Variants in KIDINS220 observed in about 807,000 individuals in gnomAD.
The protein encoded by KIDINS220 is kinase D interacting substrate 220, also known as kinase D-interacting substrate of 220 kDa.
A neutral mutation model predicts 157.6 loss-of-function variants in KIDINS220; 63 were observed. The observed-to-expected ratio is 0.40, with a 90% CI of 0.33 to 0.49. The LOEUF (loss-of-function observed/expected upper bound fraction) is 0.49, where lower values mean the gene tolerates loss of function less well. Ranked by LOEUF, KIDINS220 falls within the 20% of genes least tolerant of loss-of-function variation. The pLI is 0.66. For synonymous variants in KIDINS220, 732 were observed against 783.6 expected (o/e 0.93, Z 1.10); for missense variants, 1,772 against 2,171.2 (o/e 0.82, Z 3.65).
chr2:8,780,411 A>G (rs1671530292), intron 17 of KIDINS220, among the ~76,000 whole-genome samples: 1 of 152,168 alleles, frequency 6.6e-6, no homozygotes, highest in African/African-American at 2.4e-5. Context: ...AATCTGGAAT[A>G]GAACTCAAAA....
chr2:8,785,752 C>T lies in KIDINS220; in HGVS notation c.2218G>A (p.Gly740Arg), dbSNP rs1166810234. Residue 740 changes from glycine (G) to arginine (R), a missense_variant, in exon 17 of 30, where the codon GGA becomes AGA. By Grantham distance (125) the Gly-to-Arg change is moderately radical. Around this residue, in one of 3 missense-constraint regions of KIDINS220, gnomAD observed 725 missense variants for 1,017.1 expected, o/e 0.71. Coordinates refer to ENST00000256707, the MANE Select transcript of KIDINS220 (RefSeq NM_020738.4). ...CAATGAGTGCTTACTTTCATGAATC[C>T]TTCACTTTTCAATTTGTGCAGTTTG... ...ASKLHKLKSE[G>R]FMKVLKCEVE... The T allele has an allele frequency of 6.2e-7, 1 of 1,606,464 alleles. No individual in the cohort carries two copies. Among genetic ancestry groups the T allele is most frequent in the African/African-American group, 1.3e-5 (1 of 74,468 alleles).
At chr2:8,798,333 G>T (rs1674243652) in intron 9 of KIDINS220, 33 bp from the exon 10 acceptor site, 3 of 1,183,162 alleles carry the variant, frequency 2.5e-6, no homozygotes, top group Non-Finnish European at 2.5e-6. Context: ...ATCACTTCAT[G>T]TAAGATACAA....
chr2:8,750,230 G>T lies in KIDINS220; in HGVS notation c.3296C>A (p.Pro1099Gln), dbSNP rs763733199. The T allele has an allele frequency of 2.5e-5, 40 of 1,614,050 alleles. No homozygotes were observed. The highest frequency in any genetic ancestry group is 2.9e-5 in the Non-Finnish European group (34 of 1,180,022). Residue 1099 changes from proline to glutamine, a missense_variant, in exon 24 of 30, where the codon CCA (proline) becomes CAA (glutamine). Pro to Gln is a moderately conservative substitution (Grantham distance 76). Around this residue, in one of 3 missense-constraint regions of KIDINS220, gnomAD observed 793 missense variants for 885.5 expected, o/e 0.90. Coordinates refer to ENST00000256707, the MANE Select transcript of KIDINS220 (RefSeq NM_020738.4). ...PRAPSGYSQP[P>Q]SVCSSTSFNG... is the part of the protein sequence containing the mutation. ...GAAGGACGTGGAAGAGCACACGGATGGGGGCTGGCTGTACCCTGATGGCGC... is the reference window on the plus strand; with the variant it reads ...GAAGGACGTGGAAGAGCACACGGATTGGGGCTGGCTGTACCCTGATGGCGC...
Position 8,728,929 on chromosome 2 carries a change from T to C in KIDINS220, c.*1791A>G. 3 of 978,596 alleles carry C rather than the reference T, an allele frequency of 3.1e-6. No individual in the cohort carries two copies. The highest frequency in any genetic ancestry group is 3.6e-6 in the Non-Finnish European group (3 of 823,310). 60.6% of individuals were successfully genotyped at this position (978,596 alleles called of 1,614,324 possible). ...GTGAATAAAAATTCATGAGTCAGAATAGCATGCAATTTTTTATTGTTTTCT... is the reference window on the plus strand; with the variant it reads ...GTGAATAAAAATTCATGAGTCAGAACAGCATGCAATTTTTTATTGTTTTCT... On this transcript the variant is annotated 3_prime_UTR_variant, in exon 30 of 30. Transcript: ENST00000256707.
At chr2:8,773,699 T>C (rs920972812) in intron 21 of KIDINS220, among the ~76,000 whole-genome samples, 1 of 152,120 alleles carries the variant, frequency 6.6e-6, no homozygotes, top group Non-Finnish European at 1.5e-5. Flanking sequence ...CTTGAACTCC[T>C]GAGCTCAGGT....
Position 8,751,608 on chromosome 2 carries a change from C to T in KIDINS220, c.3048G>A (p.Glu1016=), listed in dbSNP as rs1254247154. Residue 1016 remains glutamate (E), a synonymous_variant, in exon 23 of 30, where the codon GAG becomes GAA. Transcript: ENST00000256707. ...TATCTCCATCAATTTCAAGAAGTGG[C>T]TCAACATCCTTAGTTGTTGGAATAT... ...SKNIPTTKDV[E]PLLEIDGDIR... is the part of the protein sequence containing the mutation. The T allele has an allele frequency of 7.5e-6, 12 of 1,606,778 alleles. No individual in the cohort carries two copies. Among genetic ancestry groups the T allele is most frequent in the Admixed American group, 3.4e-5 (2 of 58,942 alleles).
chr2:8,750,555 C>T (rs1045253101), intron 23 of KIDINS220, among the ~76,000 whole-genome samples: 1 of 152,158 alleles, frequency 6.6e-6, no homozygotes, highest in Non-Finnish European at 1.5e-5. Context: ...TTTCACCATT[C>T]GAAGTCACCA....
At chr2:8,804,361 T>C (rs1008061231) in intron 7 of KIDINS220, among the ~76,000 whole-genome samples, 1 of 152,260 alleles carries the variant, frequency 6.6e-6, no homozygotes, top group Non-Finnish European at 1.5e-5. Context: ...GCAGTCTGTA[T>C]TATTTTAACT....
At chr2:8,779,251 T>G (rs1453972750) in intron 18 of KIDINS220, 112 bp from the exon 19 acceptor site, 23 of 1,328,380 alleles carry the variant, frequency 1.7e-5, no homozygotes, top group Non-Finnish European at 2.3e-5. Flanking sequence ...TAAACTACTA[T>G]TTCTTTTCAT....
At position 8,736,967 on chromosome 2, in the gene KIDINS220, T is replaced by C. The variant is rs1664953072; in HGVS notation, c.3618A>G (p.Leu1206=). 1.2e-6 allele frequency: 2 copies of C among 1,614,012 alleles called. No homozygotes were observed. The highest frequency in any genetic ancestry group is 2.7e-5 in the African/African-American group (2 of 74,896). ...CTGCATCCACATTCAGTGAATTCAG[T>C]AATACCACTGGGCCTGGGGCTGGGC... The part of the protein sequence containing the change: ...GSGPAPGPVV[L]LNSLNVDAVC... The change falls in exon 27 of 30, where the codon TTA becomes TTG. Residue 1206 remains leucine, a synonymous_variant. Transcript: ENST00000256707.
intron 26 of KIDINS220, chr2:8,746,708 T>A (rs903716181): frequency 6.4e-6 from 1 of 156,952 alleles, no homozygotes; most frequent in African/African-American, 2.4e-5. Context: ...CTACACCATC[T>A]AGCTTATGTG....
At chr2:8,738,781 G>A (rs930338092) in intron 26 of KIDINS220, among the ~76,000 whole-genome samples, 2 of 152,142 alleles carry the variant, frequency 1.3e-5, no homozygotes, top group South Asian at 4.1e-4. Context: ...TGACATTTGT[G>A]GAAAAGCTGG....
chr2:8,742,344 T>A (rs553464656), intron 26 of KIDINS220, among the ~76,000 whole-genome samples: 1 of 151,938 alleles, frequency 6.6e-6, no homozygotes, highest in Non-Finnish European at 1.5e-5. Context: ...CAAGTCATCC[T>A]CCTGCCTCAG....
intron 28 of KIDINS220, among the ~76,000 whole-genome samples, chr2:8,734,207 A>G (rs1287237963): frequency 6.6e-6 from 1 of 151,744 alleles, no homozygotes; most frequent in East Asian, 1.9e-4. Context: ...GTGAGCCGAC[A>G]TCACCTGGGG....
At chr2:8,834,993 C>T (rs916826970) in intron 1 of KIDINS220, among the ~76,000 whole-genome samples, 2 of 152,112 alleles carry the variant, frequency 1.3e-5, no homozygotes, top group Non-Finnish European at 2.9e-5. Flanking sequence ...CAGGTGCATG[C>T]CAACACACCC....
At chr2:8,774,152 C>T (rs528613520) in intron 21 of KIDINS220, among the ~76,000 whole-genome samples, 10 of 151,964 alleles carry the variant, frequency 6.6e-5, no homozygotes, top group African/African-American at 1.7e-4. Flanking sequence ...AAAAATTAGC[C>T]GGGCGTGGTG....
chr2:8,765,967 C>A (rs1197824073), intron 22 of KIDINS220, among the ~76,000 whole-genome samples: 1 of 152,122 alleles, frequency 6.6e-6, no homozygotes, highest in South Asian at 2.1e-4. Flanking sequence ...ATTCCCTTCC[C>A]ACCGTGAGAG....
chr2:8,796,983 C>T, intron 10 of KIDINS220, 114 bp from the exon 11 acceptor site: 2 of 784,446 alleles, frequency 2.5e-6, no homozygotes, highest in South Asian at 1.5e-5. Flanking sequence ...ATATTTAAAA[C>T]CCTCTCAAGA....
chr2:8,800,313 G>A, intron 9 of KIDINS220, 87 bp downstream of exon 9: 3 of 770,800 alleles, frequency 3.9e-6, no homozygotes, highest in Non-Finnish European at 6.1e-6. Flanking sequence ...TATCTCCATA[G>A]GAAAGTGGGA....
Sources: allele counts gnomAD v4.1 joint callset (sites outside exome capture counted in the v4.1 genomes callset), GRCh38; gene constraint gnomAD v4.1.1; regional missense constraint gnomAD v4.1.1; transcripts MANE v1.5; gene names NCBI Gene and HGNC (gene_info 2026-07-23, HGNC 2026-07-21).